The following PPP4R3A variants were observed in gnomAD, a reference collection of about 807,000 sequenced individuals.
PPP4R3A encodes serine/threonine-protein phosphatase 4 regulatory subunit 3A.
A neutral mutation model predicts 91.7 loss-of-function variants in PPP4R3A; 15 were observed. That is an observed-to-expected ratio of 0.16 (90% confidence interval 0.11 to 0.25). The LOEUF is 0.25. Among genes scored for constraint, PPP4R3A ranks in the 10% least tolerant of loss-of-function variants. The probability of loss-of-function intolerance (pLI) is 1.00; values close to 1 mark genes in which losing one functional copy is unlikely to be tolerated. For synonymous variants in PPP4R3A, 377 were observed against 348.7 expected (o/e 1.08, Z -0.91); for missense variants, 623 against 998.4 (o/e 0.62, Z 5.07).
chr14:91,468,281 A>G (rs1888600059), intron 10 of PPP4R3A, among the ~76,000 whole-genome samples: 3 of 152,242 alleles, frequency 2.0e-5, no homozygotes, highest in Admixed American at 6.5e-5. Context: ...GATTATGAGA[A>G]ATTTTCTTTG....
In PPP4R3A at chr14:91,461,487, G is replaced by A; in HGVS notation, c.2285C>T (p.Thr762Ile). Residue 762 changes from threonine (T) to isoleucine (I), a missense_variant, in exon 14 of 15, where the codon ACA becomes ATA. Transcript: ENST00000554943. ...TCCCGGAGAACCAGGCAGATTTGTT[G>A]TAGATGACTGGCTGGTGAGGTTAGT... ...TKTNLTSQSS[T>I]TNLPGSPGSP... is the part of the protein sequence containing the mutation. 6.2e-7 allele frequency: 1 copy of A among 1,614,186 alleles called. No homozygotes were observed. The highest frequency in any genetic ancestry group is 8.5e-7 in the Non-Finnish European group (1 of 1,180,040).
chr14:91,488,907 C>CTT (rs10691130), intron 2 of PPP4R3A, among the ~76,000 whole-genome samples: 33,826 of 122,746 alleles, frequency 0.28, 5,568 homozygotes, highest in East Asian at 0.47. Flanking sequence ...ATAGATACCA[C>CTT]TTTTTTTTTT....
intron 7 of PPP4R3A, chr14:91,474,934 T>A (rs149482448): frequency 7.2e-4 from 110 of 152,328 alleles, no homozygotes; most frequent in African/African-American, 2.3e-3. Flanking sequence ...AACTTAAACA[T>A]AGCAGTTACA....
intron 10 of PPP4R3A, among the ~76,000 whole-genome samples, chr14:91,468,865 G>T (rs1888659375): frequency 6.6e-6 from 1 of 151,526 alleles, no homozygotes; most frequent in South Asian, 2.1e-4. Context: ...AAATTATAAT[G>T]AATTATTTCC....
rs575206891 is a variant in PPP4R3A at position 91,476,942 on chromosome 14, A to G, written c.960T>C (p.Asp320=). 4.4e-6 allele frequency: 7 copies of G among 1,602,500 alleles called. No individual in the cohort carries two copies. The South Asian group carries it at 5.6e-5, about 13-fold the overall frequency. ...FLTDLFAQLT[D]EATDEEKRQE... Reference sequence around the variant, plus strand: ...GTCTTTTTTCCTCATCTGTTGCTTCATCTGTTAGTTGTGCAAACAAATCTG... The same window carrying G: ...GTCTTTTTTCCTCATCTGTTGCTTCGTCTGTTAGTTGTGCAAACAAATCTG... Residue 320 remains aspartate (D), a synonymous_variant, in exon 5 of 15, where the codon GAT becomes GAC. Transcript: ENST00000554943.
intron 14 of PPP4R3A, 150 bp from the exon 15 acceptor site, chr14:91,459,019 A>C: frequency 1.2e-6 from 1 of 842,700 alleles, no homozygotes; most frequent in Non-Finnish European, 1.7e-6. Flanking sequence ...TCAATTCATT[A>C]TGTTTACATA....
At position 91,485,610 on chromosome 14, in the gene PPP4R3A, ATTT is replaced by A; in HGVS notation, c.297+19_297+21del. On this transcript the variant is annotated intron_variant, in intron 3 of 14. Coordinates refer to ENST00000554943, the MANE Select transcript of PPP4R3A (RefSeq NM_001366432.2). ...CTAAACACTTAAAGAAAGCATGTTG[ATTT>A]TTTTATTTAAAAAATTACCTGACAT... 6 of 1,546,782 alleles carry A rather than the reference ATTT, an allele frequency of 3.9e-6. No homozygotes were observed. The highest frequency in any genetic ancestry group is 5.3e-6 in the Non-Finnish European group (6 of 1,133,054).
At position 91,472,981 on chromosome 14, in the gene PPP4R3A, G is replaced by T. The variant is rs374887192; in HGVS notation, c.1501+52C>A. 1,443 of 1,546,768 alleles carry T rather than the reference G, an allele frequency of 9.3e-4. 3 individuals are homozygous for T. Among genetic ancestry groups the T allele is most frequent in the Middle Eastern group, 2.6e-3 (15 of 5,776 alleles). ...AAAAGACTGACTTAACACCAACTTT[G>T]AATTCAGCATTCAAGAACAGAGAAC... On this transcript the variant is annotated intron_variant, in intron 9 of 14. Transcript: ENST00000554943.
chr14:91,500,348 A>C (rs1463892928), intron 1 of PPP4R3A, among the ~76,000 whole-genome samples: 1 of 152,070 alleles, frequency 6.6e-6, no homozygotes, highest in Non-Finnish European at 1.5e-5. Flanking sequence ...CTACAGGCGC[A>C]CACCACCACG....
At chr14:91,459,600 A>C (rs1887995403) in intron 14 of PPP4R3A, among the ~76,000 whole-genome samples, 1 of 151,990 alleles carries the variant, frequency 6.6e-6, no homozygotes, top group Non-Finnish European at 1.5e-5. Context: ...GCTGAGGCGG[A>C]GGGATCACAT....
chr14:91,496,554 G>C (rs575166586), intron 1 of PPP4R3A, among the ~76,000 whole-genome samples: 13 of 152,226 alleles, frequency 8.5e-5, no homozygotes, highest in African/African-American at 3.1e-4. Context: ...TAATAAGAAA[G>C]AGGGAAAAAA....
chr14:91,458,730 C>CAGGT lies in PPP4R3A; in HGVS notation c.*25_*28dup. 1.1e-5 allele frequency: 18 copies of CAGGT among 1,613,890 alleles called. No homozygotes were observed. The highest frequency in any genetic ancestry group is 1.5e-5 in the Non-Finnish European group (18 of 1,179,894). Reference sequence around the variant, plus strand: ...GGGGTGGAGAACCAGTTTTTTTCAACAGGTACTGATCCTAGGCCGTTGCCA... The same window carrying CAGGT: ...GGGGTGGAGAACCAGTTTTTTTCAACAGGTAGGTACTGATCCTAGGCCGTTGCCA... On this transcript the variant is annotated 3_prime_UTR_variant, in exon 15 of 15. Coordinates refer to ENST00000554943, the MANE Select transcript of PPP4R3A (RefSeq NM_001366432.2).
intron 2 of PPP4R3A, among the ~76,000 whole-genome samples, chr14:91,488,756 G>A (rs1890048677): frequency 6.6e-6 from 1 of 152,064 alleles, no homozygotes; most frequent in African/African-American, 2.4e-5. Flanking sequence ...AATTTAAGAG[G>A]TAAAGAGGCC....
chr14:91,477,065 C>T, intron 4 of PPP4R3A, 79 bp from the exon 5 acceptor site: 12 of 1,079,064 alleles, frequency 1.1e-5, no homozygotes, highest in Non-Finnish European at 1.6e-5. Context: ...CTTTAATATA[C>T]ACAGCAATAA....
chr14:91,506,306 T>C (rs1016856361), intron 1 of PPP4R3A, among the ~76,000 whole-genome samples: 2 of 152,160 alleles, frequency 1.3e-5, no homozygotes, highest in Non-Finnish European at 2.9e-5. Flanking sequence ...TTCAGGCTAA[T>C]AAAGCAGCAA....
Position 91,509,633 on chromosome 14 carries a change from C to G in PPP4R3A, c.15G>C (p.Arg5=), listed in dbSNP as rs754884331. ...TGAGCGTGTACACCTTCACCCGCCG[C>G]CGGGTGTCGGTCATCGTGCCGCCCG... MTDT[R]RRVKVYTLNE... The change falls in exon 1 of 15, where the codon CGG becomes CGC. Residue 5 remains arginine, a synonymous_variant. Transcript: ENST00000554943. 3 of 1,599,368 alleles carry G rather than the reference C, an allele frequency of 1.9e-6. No homozygotes were observed. Among genetic ancestry groups the G allele is most frequent in the Admixed American group, 3.3e-5 (2 of 59,878 alleles).
At chr14:91,462,937 CTTAAT>C (rs61490765) in intron 11 of PPP4R3A, 60 bp from the exon 12 acceptor site, 599,211 of 1,306,516 alleles carry the variant, frequency 0.46, 142,878 homozygotes, top group Admixed American at 0.56. Context: ...CAAGATGAGG[CTTAAT>C]TTAATCAATT....
intron 6 of PPP4R3A, 112 bp from the exon 7 acceptor site, chr14:91,476,078 G>T: frequency 1.9e-6 from 2 of 1,042,132 alleles, no homozygotes; most frequent in Non-Finnish European, 2.7e-6. Flanking sequence ...GTAAAAGAAA[G>T]GTCAAAGAAA....
intron 14 of PPP4R3A, among the ~76,000 whole-genome samples, chr14:91,460,934 T>C (rs542364667): frequency 6.6e-6 from 1 of 152,310 alleles, no homozygotes; most frequent in East Asian, 1.9e-4. Flanking sequence ...TCATTTCTTA[T>C]ATGAAATGTT....
Sources: gnomAD v4.1 joint callset for allele counts (sites outside exome capture counted in the v4.1 genomes callset) on GRCh38, gnomAD v4.1.1 for gene constraint, MANE v1.5 for transcripts, NCBI Gene and HGNC (gene_info 2026-07-23, HGNC 2026-07-21) for gene names.